Variants in TBC1D15 observed in about 807,000 individuals in gnomAD.
TBC1D15 encodes TBC1 domain family member 15.
A neutral mutation model predicts 95.4 loss-of-function variants in TBC1D15; 39 were observed. The ratio of observed to expected loss-of-function variants is 0.41; its 90% confidence interval spans 0.32 to 0.53. TBC1D15 has a LOEUF of 0.53. Ranked by LOEUF, TBC1D15 falls within the 20% of genes least tolerant of loss-of-function variation. TBC1D15 has a pLI of 0.29. For synonymous variants in TBC1D15, 258 were observed against 261.3 expected (o/e 0.99, Z 0.12); for missense variants, 733 against 794.3 (o/e 0.92, Z 0.93).
intron 3 of TBC1D15, 149 bp from the exon 4 acceptor site, chr12:71,880,320 C>G (rs1592750175): frequency 1.0e-5 from 4 of 396,234 alleles, no homozygotes; most frequent in Non-Finnish European, 1.7e-5. Context: ...TAAAGATGAT[C>G]AAGAGAGAAA....
At chr12:71,849,845 A>G in intron 1 of TBC1D15, 1 of 565,036 alleles carries the variant, frequency 1.8e-6, no homozygotes, top group Non-Finnish European at 3.5e-6. Flanking sequence ...TCTGTAGTAA[A>G]ATGTGGAGTT....
At chr12:71,906,547 A>C (rs952343905) in intron 10 of TBC1D15, among the ~76,000 whole-genome samples, 6 of 152,228 alleles carry the variant, frequency 3.9e-5, no homozygotes, top group Non-Finnish European at 7.3e-5. Context: ...GAGACATGAC[A>C]AAGAATTTGA....
At chr12:71,906,490 ATGT>A (rs1900744199) in intron 10 of TBC1D15, among the ~76,000 whole-genome samples, 1 of 152,168 alleles carries the variant, frequency 6.6e-6, no homozygotes, top group Non-Finnish European at 1.5e-5. Flanking sequence ...TCTAAAGTAA[ATGT>A]TGTAGATATG....
intron 10 of TBC1D15, among the ~76,000 whole-genome samples, chr12:71,898,641 T>G (rs1289965107): frequency 6.6e-6 from 1 of 152,134 alleles, no homozygotes; most frequent in African/African-American, 2.4e-5. Flanking sequence ...TTACACTGTC[T>G]CTGTAATTTT....
At chr12:71,906,656 A>G (rs1442191976) in intron 10 of TBC1D15, among the ~76,000 whole-genome samples, 1 of 151,182 alleles carries the variant, frequency 6.6e-6, no homozygotes, top group Non-Finnish European at 1.5e-5. Context: ...ATTAGTTTTC[A>G]AGTACTGGTA....
At chr12:71,846,672 C>G (rs1886340868) in intron 1 of TBC1D15, among the ~76,000 whole-genome samples, 2 of 150,730 alleles carry the variant, frequency 1.3e-5, no homozygotes, top group East Asian at 3.9e-4. Context: ...TGAGAATGTC[C>G]TCATGTATGT....
chr12:71,863,149 C>T (rs1039651507), intron 1 of TBC1D15, among the ~76,000 whole-genome samples: 3 of 152,016 alleles, frequency 2.0e-5, no homozygotes, highest in Admixed American at 6.6e-5. Context: ...GAGGCTGAGG[C>T]GAGCGGATCA....
At chr12:71,873,552 G>A (rs1239344182) in intron 3 of TBC1D15, among the ~76,000 whole-genome samples, 1 of 152,088 alleles carries the variant, frequency 6.6e-6, no homozygotes, top group Non-Finnish European at 1.5e-5. Flanking sequence ...CAGGTTTTTT[G>A]TGTGAACATG....
In TBC1D15 at chr12:71,917,601, C is replaced by T. The variant is rs1592833992; in HGVS notation, c.1402-97C>T. ...TAAGATTACCAGTGTGGTATAAGTT[C>T]AGCATTTGTCCTTAGACATCATGTT... On this transcript the variant is annotated intron_variant, in intron 12 of 16. Coordinates refer to ENST00000485960, the MANE Select transcript of TBC1D15 (RefSeq NM_001146213.3). The T allele has an allele frequency of 6.6e-6, 5 of 759,518 alleles. No individual in the cohort carries two copies. The South Asian group carries it at 6.7e-5, about 10-fold the overall frequency. The allele number at this position is 759,518 out of a possible 1,614,324, so 47.0% of individuals were successfully genotyped here.
intron 1 of TBC1D15, among the ~76,000 whole-genome samples, chr12:71,864,251 G>T (rs190114851): frequency 6.6e-6 from 1 of 151,880 alleles, no homozygotes; most frequent in Non-Finnish European, 1.5e-5. Flanking sequence ...TGCATTTTTA[G>T]TACAGATGGG....
chr12:71,881,230 G>A (rs958042029), intron 4 of TBC1D15, among the ~76,000 whole-genome samples: 3 of 152,174 alleles, frequency 2.0e-5, no homozygotes, highest in African/African-American at 7.2e-5. Flanking sequence ...ACATTTAGAC[G>A]TGTTTAGATA....
At chr12:71,908,160 G>A (rs1222728012) in intron 11 of TBC1D15, among the ~76,000 whole-genome samples, 1 of 152,126 alleles carries the variant, frequency 6.6e-6, no homozygotes, top group African/African-American at 2.4e-5. Flanking sequence ...GTGACAGAGC[G>A]AGACTCTGTC....
At chr12:71,859,180 A>T (rs1280341774) in intron 1 of TBC1D15, among the ~76,000 whole-genome samples, 2 of 152,054 alleles carry the variant, frequency 1.3e-5, no homozygotes, top group Non-Finnish European at 2.9e-5. Context: ...ATTTGGGCCA[A>T]GATTGAGGAT....
intron 14 of TBC1D15, among the ~76,000 whole-genome samples, chr12:71,919,627 A>G (rs1425977377): frequency 6.6e-6 from 1 of 152,142 alleles, no homozygotes; most frequent in Non-Finnish European, 1.5e-5. Flanking sequence ...TAAAACCCAC[A>G]TGGTCTCTAT....
At chr12:71,858,079 C>CT (rs957470256) in intron 1 of TBC1D15, among the ~76,000 whole-genome samples, 45 of 148,754 alleles carry the variant, frequency 3.0e-4, no homozygotes, top group Non-Finnish European at 4.8e-4. Flanking sequence ...TTCTTTCTTT[C>CT]TTTTTTTTTT....
In TBC1D15 at chr12:71,923,658, A is replaced by G. The variant is rs1018422343; in HGVS notation, c.*454A>G. ...TAAAAATAAAAGGATTTTTTTCTCTATTGTTTACGACAGTACTCAGCTTAA... is the reference window on the plus strand; with the variant it reads ...TAAAAATAAAAGGATTTTTTTCTCTGTTGTTTACGACAGTACTCAGCTTAA... On this transcript the variant is annotated 3_prime_UTR_variant, in exon 17 of 17. Coordinates refer to ENST00000485960, the MANE Select transcript of TBC1D15 (RefSeq NM_001146213.3). 1 of 158,318 alleles carries G rather than the reference A, an allele frequency of 6.3e-6. No individual in the cohort carries two copies. Among genetic ancestry groups the G allele is most frequent in the Non-Finnish European group, 1.4e-5 (1 of 71,542 alleles). 9.8% of individuals were successfully genotyped at this position (158,318 alleles called of 1,614,324 possible). A position where few individuals can be genotyped will look rare whatever the true frequency, so the allele number is the denominator to read the frequency against.
At chr12:71,913,621 A>G (rs758474026) in intron 11 of TBC1D15, 9 of 461,388 alleles carry the variant, frequency 2.0e-5, no homozygotes, top group African/African-American at 8.4e-5. Flanking sequence ...TGACATCTCA[A>G]TCTAAAACAA....
chr12:71,901,310 C>G (rs1376615928), intron 10 of TBC1D15, among the ~76,000 whole-genome samples: 1 of 152,048 alleles, frequency 6.6e-6, no homozygotes, highest in Admixed American at 6.6e-5. Context: ...ATATGAGCCA[C>G]TGTGCCCAGC....
chr12:71,897,507 A>G (rs1383296881), intron 9 of TBC1D15, among the ~76,000 whole-genome samples: 1 of 152,030 alleles, frequency 6.6e-6, no homozygotes, highest in Non-Finnish European at 1.5e-5. Flanking sequence ...TTGTATTTAC[A>G]ATTATTTGGA....
Sources: allele counts gnomAD v4.1 joint callset (sites outside exome capture counted in the v4.1 genomes callset), GRCh38; gene constraint gnomAD v4.1.1; transcripts MANE v1.5; gene names NCBI Gene and HGNC (gene_info 2026-07-23, HGNC 2026-07-21).